Variants in RNLS observed in about 807,000 individuals in gnomAD.
The protein encoded by RNLS is renalase, FAD dependent amine oxidase, also known as renalase.
Under a neutral mutation model 39.8 loss-of-function variants are expected in RNLS, and 39 were observed. The ratio of observed to expected loss-of-function variants is 0.98; its 90% CI spans 0.76 to 1.28. The LOEUF (loss-of-function observed/expected upper bound fraction) is 1.28. RNLS is among the 50% of genes most tolerant of loss of function. The pLI is 0.00. For missense variants in RNLS, 410 were observed against 413.3 expected (o/e 0.99, Z 0.07); for synonymous variants, 147 against 150.7 (o/e 0.98, Z 0.18).
intron 4 of RNLS, among the ~76,000 whole-genome samples, chr10:88,502,846 A>G (rs2134116173): frequency 1.3e-5 from 2 of 152,298 alleles, no homozygotes; most frequent in Middle Eastern, 6.8e-3. Flanking sequence ...TCAAAAGCGC[A>G]TATTCTCTGA....
At chr10:88,411,831 C>T (rs1853675287) in intron 4 of RNLS, among the ~76,000 whole-genome samples, 1 of 144,594 alleles carries the variant, frequency 6.9e-6, no homozygotes, top group Non-Finnish European at 1.6e-5. Flanking sequence ...GAAGAACATA[C>T]AGAAGTTTTC....
At chr10:88,181,419 A>G in the RNLS span, among the ~76,000 whole-genome samples, 10 of 152,278 alleles carry the variant, frequency 6.6e-5, no homozygotes, top group East Asian at 5.8e-4. Flanking sequence ...GAAAAGCCCA[A>G]TGGACTTCTG....
chr10:88,235,428 G>A, the RNLS span, among the ~76,000 whole-genome samples: 6 of 151,974 alleles, frequency 3.9e-5, no homozygotes, highest in Non-Finnish European at 7.4e-5. Flanking sequence ...TGATATCAAC[G>A]ACTCACATGG....
chr10:88,363,700 A>T (rs1849813552), intron 4 of RNLS, among the ~76,000 whole-genome samples: 1 of 152,130 alleles, frequency 6.6e-6, no homozygotes, highest in South Asian at 2.1e-4. Flanking sequence ...TTCACAAAAG[A>T]AGTTGAAATG....
At chr10:88,450,834 A>T (rs972330621) in intron 4 of RNLS, among the ~76,000 whole-genome samples, 1 of 152,244 alleles carries the variant, frequency 6.6e-6, no homozygotes, top group Non-Finnish European at 1.5e-5. Flanking sequence ...AAAGAATATC[A>T]TATCTTTGTA....
the RNLS span, among the ~76,000 whole-genome samples, chr10:88,246,897 A>T: frequency 6.6e-6 from 1 of 152,220 alleles, no homozygotes; most frequent in African/African-American, 2.4e-5. Context: ...GTTGTAATCA[A>T]ATAAAGCTCA....
At chr10:88,524,474 T>A (rs957698249) in intron 4 of RNLS, among the ~76,000 whole-genome samples, 4 of 152,138 alleles carry the variant, frequency 2.6e-5, no homozygotes, top group African/African-American at 9.7e-5. Context: ...GCTACTAAAG[T>A]GATTTTGTTT....
At chr10:88,177,785 G>C in the RNLS span, among the ~76,000 whole-genome samples, 1 of 152,188 alleles carries the variant, frequency 6.6e-6, no homozygotes, top group Non-Finnish European at 1.5e-5. Context: ...TGGGTAGGTT[G>C]CTCTGGCTTT....
At chr10:88,279,055 C>T (rs73360725) in intron 6 of RNLS, among the ~76,000 whole-genome samples, 1 of 152,124 alleles carries the variant, frequency 6.6e-6, no homozygotes, top group African/African-American at 2.4e-5. Context: ...GTAAGTATCA[C>T]AAGAGTGGGG....
the RNLS span, among the ~76,000 whole-genome samples, chr10:88,266,501 C>T: frequency 5.3e-5 from 8 of 152,074 alleles, no homozygotes; most frequent in African/African-American, 1.4e-4. Flanking sequence ...GTATACTTTG[C>T]CTTGGCTGAT....
chr10:88,515,610 G>C (rs1226416337), intron 4 of RNLS, among the ~76,000 whole-genome samples: 1 of 152,032 alleles, frequency 6.6e-6, no homozygotes, highest in African/African-American at 2.4e-5. Flanking sequence ...CTTCTGTAAT[G>C]TAATTAGCTA....
the RNLS span, among the ~76,000 whole-genome samples, chr10:88,261,143 G>A: frequency 6.6e-6 from 1 of 152,234 alleles, no homozygotes; most frequent in African/African-American, 2.4e-5. Flanking sequence ...TATGGAAGAA[G>A]ATTGGTTTCA....
intron 4 of RNLS, among the ~76,000 whole-genome samples, chr10:88,511,449 T>C (rs1846119750): frequency 6.6e-6 from 1 of 152,070 alleles, no homozygotes; most frequent in Admixed American, 6.6e-5. Flanking sequence ...TTCAGTATGG[T>C]GCACTTACTT....
At chr10:88,467,943 C>T (rs953973852) in intron 4 of RNLS, among the ~76,000 whole-genome samples, 1 of 152,230 alleles carries the variant, frequency 6.6e-6, no homozygotes, top group African/African-American at 2.4e-5. Flanking sequence ...CTTTGGGAAG[C>T]ATTGCCTTTT....
the RNLS span, among the ~76,000 whole-genome samples, chr10:88,202,922 C>G: frequency 6.6e-6 from 1 of 151,484 alleles, no homozygotes; most frequent in African/African-American, 2.4e-5. Flanking sequence ...GGGCAACTCA[C>G]AGGATAATCC....
intron 4 of RNLS, 139 bp from the exon 5 acceptor site, chr10:88,362,864 T>C (rs979945789): frequency 1.4e-6 from 1 of 704,814 alleles, no homozygotes; most frequent in Non-Finnish European, 2.2e-6. Context: ...TGAAAGGTAA[T>C]GTAAAATAGC....
intron 4 of RNLS, among the ~76,000 whole-genome samples, chr10:88,441,319 C>T (rs1841701438): frequency 6.6e-6 from 1 of 152,282 alleles, no homozygotes. Flanking sequence ...CCTTCCTTCC[C>T]ACCTACGTAT....
At chr10:88,278,317 G>T (rs1842886044) in intron 6 of RNLS, among the ~76,000 whole-genome samples, 1 of 152,066 alleles carries the variant, frequency 6.6e-6, no homozygotes, top group Non-Finnish European at 1.5e-5. Context: ...TTTTCCGAAG[G>T]ATAAATAAAC....
chr10:88,317,211 A>G (rs1845828515), intron 5 of RNLS, among the ~76,000 whole-genome samples: 1 of 152,204 alleles, frequency 6.6e-6, no homozygotes, highest in African/African-American at 2.4e-5. Context: ...TAAGTATTTG[A>G]ACCTCTGCAT....
Sources: gnomAD v4.1 joint callset for allele counts (sites outside exome capture counted in the v4.1 genomes callset) on GRCh38, gnomAD v4.1.1 for gene constraint, MANE v1.5 for transcripts, NCBI Gene and HGNC (gene_info 2026-07-23, HGNC 2026-07-21) for gene names.